Variants in DNAH5 observed in about 807,000 individuals in gnomAD.
DNAH5 encodes dynein axonemal heavy chain 5, also known as axonemal beta dynein heavy chain 5.
DNAH5 carries 372 observed loss-of-function variants against 518.2 expected under a neutral mutation model. The ratio of observed to expected loss-of-function variants is 0.72; its 90% CI spans 0.66 to 0.78. The LOEUF is 0.78. Among genes scored for constraint, DNAH5 ranks in the 30% least tolerant of loss-of-function variants. DNAH5 has a pLI of 0.00. For synonymous variants in DNAH5, 2,039 were observed against 2,025.9 expected, an observed-to-expected ratio of 1.01 and a Z score of -0.17; for missense variants, 5,523 against 5,687.0, an observed-to-expected ratio of 0.97 and a Z score of 0.93.
chr5:13,973,224 T>C (rs975742943), intron 1 of DNAH5, among the ~76,000 whole-genome samples: 2 of 152,258 alleles, frequency 1.3e-5, no homozygotes, highest in Middle Eastern at 3.4e-3. Flanking sequence ...AGATGACCTT[T>C]AGAAGCTGAA....
chr5:13,786,378 A>T, intron 51 of DNAH5, 27 bp from the exon 52 acceptor site: 1 of 1,610,204 alleles, frequency 6.2e-7, no homozygotes, highest in Non-Finnish European at 8.5e-7. Context: ...GAATCAGTTA[A>T]GTTTCTGCAA....
At position 13,691,892 on chromosome 5, in the gene DNAH5, C is replaced by T. The variant is rs886059933; in HGVS notation, c.*92G>A. On this transcript the variant is annotated 3_prime_UTR_variant, in exon 79 of 79. Transcript: ENST00000265104. ...CTCATTAATTGCATAAACGACCTAA[C>T]ATACACTGTCCAGCAGTCATACAGA... 2.6e-5 allele frequency: 40 copies of T among 1,528,294 alleles called. No individual in the cohort carries two copies. In the South Asian group the frequency reaches 4.0e-4, roughly 15 times the overall value. The allele number at this position is 1,528,294 out of a possible 1,614,324, so 94.7% of individuals were successfully genotyped here.
chr5:13,693,085 A>G (rs758589389), intron 78 of DNAH5, among the ~76,000 whole-genome samples: 13 of 152,326 alleles, frequency 8.5e-5, no homozygotes, highest in Non-Finnish European at 1.5e-4. Flanking sequence ...CTCAGGAAAT[A>G]GTATATTATT....
At chr5:13,824,148 T>C (rs1762589659) in intron 39 of DNAH5, 51 bp downstream of exon 39, 1 of 1,583,674 alleles carries the variant, frequency 6.3e-7, no homozygotes, top group Non-Finnish European at 8.7e-7. Flanking sequence ...TATGGGCAGT[T>C]AGTTTAACTG....
chr5:13,740,815 A>G (rs1049033015), intron 65 of DNAH5, among the ~76,000 whole-genome samples: 1 of 152,144 alleles, frequency 6.6e-6, no homozygotes, highest in Non-Finnish European at 1.5e-5. Context: ...CCTCTTTAAA[A>G]TGCTAGCCCA....
intron 58 of DNAH5, among the ~76,000 whole-genome samples, 172 bp from the exon 59 acceptor site, chr5:13,766,351 A>C (rs1752516986): frequency 6.6e-6 from 1 of 152,224 alleles, no homozygotes; most frequent in Non-Finnish European, 1.5e-5. Context: ...ATGTCCCAAC[A>C]AGTTCACATT....
chr5:13,891,150 G>T (rs755741711), intron 16 of DNAH5, 29 bp from the exon 17 acceptor site: 2 of 1,612,564 alleles, frequency 1.2e-6, no homozygotes, highest in Non-Finnish European at 1.7e-6. Context: ...GTAAATAAAA[G>T]AGATTAGGTA....
At position 13,717,319 on chromosome 5, in the gene DNAH5, T is replaced by C; in HGVS notation, c.12701A>G (p.Lys4234Arg). The change falls in exon 73 of 79, where the codon AAA becomes AGA. Residue 4234 changes from lysine to arginine, a missense_variant. Coordinates refer to ENST00000265104, the MANE Select transcript of DNAH5 (RefSeq NM_001369.3). ...IQNHLDDMDV[K>R]KGVSWTTIRY... is the part of the protein sequence containing the mutation. ...AGGCAGCATGCGCGGCAGTACCTTT[T>C]TGACATCCATGTCATCCAAGTGGTT... 1 of 1,613,630 alleles carries C rather than the reference T, an allele frequency of 6.2e-7. No homozygotes were observed.
At position 13,757,585 on chromosome 5, in the gene DNAH5, G is replaced by T. The variant is rs370773110; in HGVS notation, c.10419+1261C>A. 6.6e-5 allele frequency among the ~76,000 whole-genome samples: 10 copies of T among 152,218 alleles called. No individual in the cohort carries two copies. The South Asian group carries it at 1.0e-3, about 16-fold the overall frequency. On this transcript the variant is annotated intron_variant, in intron 61 of 78. Coordinates refer to ENST00000265104, the MANE Select transcript of DNAH5 (RefSeq NM_001369.3). ...AATAAAAAGCTTCTGCACAGTAAAA[G>T]AAACTATCCACAGAGTGAAGAGACA...
intron 47 of DNAH5, among the ~76,000 whole-genome samples, chr5:13,803,032 T>C (rs1276293405): frequency 9.5e-6 from 1 of 105,396 alleles, no homozygotes; most frequent in Non-Finnish European, 2.2e-5. Flanking sequence ...GCATTAATGA[T>C]ATATAATATA....
chr5:13,931,260 A>G lies in DNAH5; in HGVS notation c.58-16T>C. ...TCAGTCTTTGCTAAAAGAAAAGAAT[A>G]AAAATGTTACATGGAAACTGCTGTT... On this transcript the variant is annotated splice_polypyrimidine_tract_variant and intron_variant, in intron 1 of 78. Transcript: ENST00000265104. 1 of 1,613,958 alleles carries G rather than the reference A, an allele frequency of 6.2e-7. No homozygotes were observed. Among genetic ancestry groups the G allele is most frequent in the Non-Finnish European group, 8.5e-7 (1 of 1,179,864 alleles).
chr5:13,862,599 A>G lies in DNAH5; in HGVS notation c.4745T>C (p.Ile1582Thr). Reference protein sequence around the residue: ...LLRGDSTSEIIANMEDSLMLL... With the variant: ...LLRGDSTSEITANMEDSLMLL... ...CATCAAGCTGTCCTCCATGTTGGCG[A>G]TGATTTCCGAGGTACTGTCTCCTCT... The change falls in exon 29 of 79, where the codon ATC becomes ACC. Residue 1582 changes from isoleucine (I) to threonine (T), a missense_variant. Coordinates refer to ENST00000265104, the MANE Select transcript of DNAH5 (RefSeq NM_001369.3). The G allele has an allele frequency of 6.2e-7, 1 of 1,614,002 alleles. No homozygotes were observed. Among genetic ancestry groups the G allele is most frequent in the Non-Finnish European group, 8.5e-7 (1 of 1,179,976 alleles).
chr5:13,878,516 T>C (rs1298885666), intron 21 of DNAH5, among the ~76,000 whole-genome samples: 2 of 152,200 alleles, frequency 1.3e-5, no homozygotes, highest in African/African-American at 4.8e-5. Flanking sequence ...CTCCAGCAGC[T>C]GGAGCCACAG....
In DNAH5 at chr5:13,950,351, A is replaced by G. The variant is rs369589876; in HGVS notation, c.13-19107T>C. Among the ~76,000 whole-genome samples the G allele has an allele frequency of 1.1e-4, 17 of 151,998 alleles. No homozygotes were observed. The East Asian group carries it at 1.3e-3, about 12-fold the overall frequency. ...GAGTGCAATGGCGTGATCTTGGCTC[A>G]CTACAACCTTCGCCTCCTGGGTTCA... On this transcript the variant is annotated intron_variant, in intron 1 of 78. Transcript: ENST00000681290.
chr5:13,778,716 A>T (rs1199702936), intron 53 of DNAH5, among the ~76,000 whole-genome samples: 1 of 152,220 alleles, frequency 6.6e-6, no homozygotes, highest in Non-Finnish European at 1.5e-5. Flanking sequence ...GCCTCAAATA[A>T]TATGGCCTAA....
At chr5:13,904,377 T>C (rs901421613) in intron 12 of DNAH5, among the ~76,000 whole-genome samples, 1 of 148,762 alleles carries the variant, frequency 6.7e-6, no homozygotes, top group East Asian at 1.9e-4. Context: ...ATGTAGATTG[T>C]ACATGGATAT....
chr5:13,907,004 G>GTT (rs1181683729), intron 12 of DNAH5, among the ~76,000 whole-genome samples: 1 of 152,118 alleles, frequency 6.6e-6, no homozygotes, highest in African/African-American at 2.4e-5. Context: ...AAACAAAGAA[G>GTT]TAAGAGACAA....
chr5:13,732,430 A>C (rs957916333), intron 68 of DNAH5, among the ~76,000 whole-genome samples: 2 of 151,994 alleles, frequency 1.3e-5, no homozygotes, highest in African/African-American at 4.8e-5. Context: ...GCAGTGGCGC[A>C]ATCTCGGCTC....
At chr5:13,979,357 A>T (rs1782506169) in intron 1 of DNAH5, among the ~76,000 whole-genome samples, 1 of 152,172 alleles carries the variant, frequency 6.6e-6, no homozygotes, top group Admixed American at 6.5e-5. Context: ...CTTCCAACAT[A>T]TAAACAAAAT....
Sources: allele counts gnomAD v4.1 joint callset (sites outside exome capture counted in the v4.1 genomes callset), GRCh38; gene constraint gnomAD v4.1.1; transcripts MANE v1.5; gene names NCBI Gene and HGNC (gene_info 2026-07-23, HGNC 2026-07-21).